Variants in SGMS1 observed in about 807,000 individuals in gnomAD.
The protein encoded by SGMS1 is phosphatidylcholine:ceramide cholinephosphotransferase 1.
Under a neutral mutation model 46.2 loss-of-function variants are expected in SGMS1, and 13 were observed. The observed-to-expected ratio is 0.28, with a 90% confidence interval of 0.18 to 0.45. The LOEUF is 0.45. Ranked by LOEUF, SGMS1 falls within the 20% of genes least tolerant of loss-of-function variation. The pLI is 1.00. For missense variants in SGMS1, 324 were observed against 519.9 expected (o/e 0.62, Z 3.66); for synonymous variants, 203 against 187.8 (o/e 1.08, Z -0.66).
chr10:50,340,093 T>C (rs1847789630), intron 7 of SGMS1, among the ~76,000 whole-genome samples: 1 of 152,132 alleles, frequency 6.6e-6, no homozygotes, highest in South Asian at 2.1e-4. Flanking sequence ...GAAGAAAAAG[T>C]TGGAAGAAAA....
intron 2 of SGMS1, among the ~76,000 whole-genome samples, chr10:50,522,161 C>T (rs1408830773): frequency 1.3e-5 from 2 of 152,118 alleles, no homozygotes; most frequent in African/African-American, 4.8e-5. Flanking sequence ...ACATGAAGTC[C>T]TATTTTTTCA....
intron 3 of SGMS1, among the ~76,000 whole-genome samples, chr10:50,485,489 T>C (rs946049729): frequency 1.5e-4 from 23 of 152,206 alleles, no homozygotes; most frequent in African/African-American, 5.6e-4. Context: ...ATTTACAGAT[T>C]CGATGCTATT....
chr10:50,547,893 CA>C, intron 2 of SGMS1, among the ~76,000 whole-genome samples: 1 of 152,256 alleles, frequency 6.6e-6, no homozygotes, highest in South Asian at 2.1e-4. Context: ...TCAACATATG[CA>C]AATCAATAAA....
rs188878451 is a variant in SGMS1, at chr10:50,528,038, C to T, written c.-588-8117G>A. 3.3e-5 allele frequency among the ~76,000 whole-genome samples: 5 copies of T among 152,198 alleles called. No individual in the cohort carries two copies. In the East Asian group the frequency reaches 7.7e-4, roughly 23 times the overall value. On this transcript the variant is annotated intron_variant, in intron 2 of 10. Transcript: ENST00000361781. ...CTAAATAAATAAAATAATAAAAATA[C>T]TAAATAAATAAATTGTTGCTGCTAT...
chr10:50,602,503 G>A (rs1421583941), intron 1 of SGMS1, among the ~76,000 whole-genome samples: 1 of 152,172 alleles, frequency 6.6e-6, no homozygotes, highest in Non-Finnish European at 1.5e-5. Context: ...GGGAAGAAGG[G>A]AGAAGAAGGC....
At chr10:50,509,398 T>C (rs1449747044) in intron 3 of SGMS1, among the ~76,000 whole-genome samples, 1 of 152,158 alleles carries the variant, frequency 6.6e-6, no homozygotes, top group African/African-American at 2.4e-5. Flanking sequence ...TCCCACCAAA[T>C]CAAACATGTT....
intron 6 of SGMS1, among the ~76,000 whole-genome samples, chr10:50,422,247 C>G (rs924144270): frequency 6.6e-6 from 1 of 152,138 alleles, no homozygotes; most frequent in Admixed American, 6.5e-5. Flanking sequence ...CAGGGCCTAG[C>G]AGATTCTGCA....
intron 5 of SGMS1, among the ~76,000 whole-genome samples, chr10:50,453,806 AGGG>A (rs2133667470): frequency 4.2e-5 from 1 of 23,976 alleles, no homozygotes; most frequent in Non-Finnish European, 8.0e-5. Context: ...GAGAGGAAGG[AGGG>A]AGGGAGGAAG....
At chr10:50,527,996 G>A (rs1480266329) in intron 2 of SGMS1, among the ~76,000 whole-genome samples, 1 of 152,066 alleles carries the variant, frequency 6.6e-6, no homozygotes, top group Non-Finnish European at 1.5e-5. Context: ...TTTAGTTGTA[G>A]GACATGGCTC....
chr10:50,326,577 TCA>T (rs1847535406), intron 8 of SGMS1, among the ~76,000 whole-genome samples: 1 of 152,242 alleles, frequency 6.6e-6, no homozygotes, highest in Non-Finnish European at 1.5e-5. Context: ...GCTAATTATT[TCA>T]CAGAGTTCCA....
At position 50,343,710 on chromosome 10, in the gene SGMS1, A is replaced by T; in HGVS notation, c.405T>A (p.Thr135=). ...RSQYPMEWGK[T]FLAFLYALSC... ...AAAGTGCATAAAGAAAGGCCAGAAA[A>T]GTCTTGCCCCACTCCATGGGGTACT... Residue 135 remains threonine (T), a synonymous_variant, in exon 7 of 11, where the codon ACT becomes ACA. Coordinates refer to ENST00000361781, the MANE Select transcript of SGMS1 (RefSeq NM_147156.4). 6.2e-7 allele frequency: 1 copy of T among 1,614,108 alleles called. No homozygotes were observed. Among genetic ancestry groups the T allele is most frequent in the Non-Finnish European group, 8.5e-7 (1 of 1,180,038 alleles).
At chr10:50,396,947 C>T (rs1158683027) in intron 6 of SGMS1, among the ~76,000 whole-genome samples, 1 of 152,170 alleles carries the variant, frequency 6.6e-6, no homozygotes, top group African/African-American at 2.4e-5. Context: ...AAGCACTCCA[C>T]CCTTCTGCAC....
At chr10:50,612,274 T>C (rs1380975597) in intron 1 of SGMS1, among the ~76,000 whole-genome samples, 1 of 152,236 alleles carries the variant, frequency 6.6e-6, no homozygotes, top group Non-Finnish European at 1.5e-5. Flanking sequence ...AATACCTGCA[T>C]GAAACTTTTA....
At chr10:50,365,258 A>AAG in intron 6 of SGMS1, among the ~76,000 whole-genome samples, 1 of 139,926 alleles carries the variant, frequency 7.1e-6, no homozygotes, top group Admixed American at 7.2e-5. Flanking sequence ...ATCTCACCAA[A>AAG]AAAAAAAAAA....
At chr10:50,358,241 G>A (rs1189943219) in intron 6 of SGMS1, among the ~76,000 whole-genome samples, 1 of 152,164 alleles carries the variant, frequency 6.6e-6, no homozygotes, top group African/African-American at 2.4e-5. Flanking sequence ...TCAAAATCTT[G>A]CGGACATGTA....
chr10:50,361,114 G>T lies in SGMS1; in HGVS notation c.-231-16769C>A, dbSNP rs115857274. Among the ~76,000 whole-genome samples the T allele has an allele frequency of 6.6e-3, 1,004 of 152,288 alleles. 16 individuals are homozygous for T. Among genetic ancestry groups the T allele is most frequent in the African/African-American group, 0.022 (911 of 41,562 alleles). Reference sequence around the variant, plus strand: ...AAAACTGACATGGAATTTAGTAGGGGCATAGCAGCAGGGGATTTTGAAAGC... The same window carrying T: ...AAAACTGACATGGAATTTAGTAGGGTCATAGCAGCAGGGGATTTTGAAAGC... On this transcript the variant is annotated intron_variant, in intron 6 of 10. Transcript: ENST00000361781.
intron 2 of SGMS1, among the ~76,000 whole-genome samples, chr10:50,574,827 C>T (rs1447663438): frequency 6.6e-6 from 1 of 151,632 alleles, no homozygotes. Context: ...CAAATGTTTC[C>T]GATGATGAAT....
chr10:50,352,473 G>T (rs1314238254), intron 6 of SGMS1, among the ~76,000 whole-genome samples: 1 of 151,726 alleles, frequency 6.6e-6, no homozygotes, highest in East Asian at 1.9e-4. Flanking sequence ...TTCAGAACTG[G>T]TAATAATATA....
chr10:50,570,820 C>T (rs1019153887), intron 2 of SGMS1, among the ~76,000 whole-genome samples: 1 of 152,174 alleles, frequency 6.6e-6, no homozygotes, highest in Non-Finnish European at 1.5e-5. Flanking sequence ...TGCCTGTAAT[C>T]CCAGCTACTC....
Sources: gnomAD v4.1 joint callset for allele counts (sites outside exome capture counted in the v4.1 genomes callset) on GRCh38, gnomAD v4.1.1 for gene constraint, MANE v1.5 for transcripts, NCBI Gene and HGNC (gene_info 2026-07-23, HGNC 2026-07-21) for gene names.